EPHA5: variants seen among roughly 807,000 people sequenced by gnomAD.
The protein encoded by EPHA5 is ephrin type-A receptor 5.
A neutral mutation model predicts 105.0 loss-of-function variants in EPHA5; 60 were observed. The ratio of observed to expected loss-of-function variants is 0.57; its 90% confidence interval spans 0.46 to 0.71. The LOEUF is 0.71. Among genes scored for constraint, EPHA5 ranks in the 30% least tolerant of loss-of-function variants. EPHA5 has a pLI of 0.00. For synonymous variants in EPHA5, 513 were observed against 449.1 expected, an observed-to-expected ratio of 1.14 and a Z score of -1.80; for missense variants, 1,218 against 1,274.7, an observed-to-expected ratio of 0.96 and a Z score of 0.68.
chr4:65,581,535 A>G (rs1350777340), intron 3 of EPHA5, among the ~76,000 whole-genome samples: 3 of 151,734 alleles, frequency 2.0e-5, no homozygotes, highest in Non-Finnish European at 4.4e-5. Flanking sequence ...CTTATTTATC[A>G]GTCTGGGTTC....
chr4:65,338,345 A>C (rs1178472016), intron 14 of EPHA5, among the ~76,000 whole-genome samples: 1 of 152,098 alleles, frequency 6.6e-6, no homozygotes, highest in African/African-American at 2.4e-5. Flanking sequence ...AAATGGCTTA[A>C]GTCATGTAAT....
intron 3 of EPHA5, among the ~76,000 whole-genome samples, chr4:65,549,299 C>T (rs561635405): frequency 5.9e-5 from 9 of 151,978 alleles, no homozygotes; most frequent in African/African-American, 1.7e-4. Flanking sequence ...AACAAATCTG[C>T]GAAAATTTAT....
intron 3 of EPHA5, among the ~76,000 whole-genome samples, chr4:65,532,389 A>G (rs977804381): frequency 6.6e-6 from 1 of 151,944 alleles, no homozygotes; most frequent in Non-Finnish European, 1.5e-5. Context: ...GTAATATTAT[A>G]ATCTCTAGTT....
At chr4:65,402,960 GA>G (rs1405450563) in intron 8 of EPHA5, among the ~76,000 whole-genome samples, 1 of 152,148 alleles carries the variant, frequency 6.6e-6, no homozygotes, top group Non-Finnish European at 1.5e-5. Flanking sequence ...TGGGGCACTA[GA>G]TAGCTATCCC....
intron 3 of EPHA5, among the ~76,000 whole-genome samples, chr4:65,553,162 T>C (rs1039887657): frequency 6.6e-6 from 1 of 152,088 alleles, no homozygotes; most frequent in Non-Finnish European, 1.5e-5. Flanking sequence ...AGGAATAAGT[T>C]GGGTTTTTGA....
intron 5 of EPHA5, among the ~76,000 whole-genome samples, chr4:65,479,255 T>C (rs1356120364): frequency 6.6e-6 from 1 of 152,170 alleles, no homozygotes; most frequent in East Asian, 1.9e-4. Flanking sequence ...CCACTTTACA[T>C]GTGAAAAACC....
rs376412603 is a variant in EPHA5 at position 65,404,474 on chromosome 4, C to A, written c.1693G>T (p.Ala565Ser). ...ATCTGGCTTTGATCGCTGGATGCTG[C>A]AACTGCTGATAGGAGATACAGAAAA... ...FEFETTPVSV[A>S]ASSDQSQIPV... Residue 565 changes from alanine (A) to serine (S), a missense_variant, in exon 8 of 17, where the codon GCA (alanine) becomes TCA (serine). Physicochemically the swap from Ala to Ser is moderately conservative, Grantham distance 99. Coordinates refer to ENST00000613740, the MANE Select transcript of EPHA5 (RefSeq NM_001281766.3). 6.2e-7 allele frequency: 1 copy of A among 1,613,448 alleles called. No individual in the cohort carries two copies. The highest frequency in any genetic ancestry group is 8.5e-7 in the Non-Finnish European group (1 of 1,179,560).
At chr4:65,388,275 C>T (rs1253607773) in intron 8 of EPHA5, among the ~76,000 whole-genome samples, 1 of 151,536 alleles carries the variant, frequency 6.6e-6, no homozygotes, top group Non-Finnish European at 1.5e-5. Flanking sequence ...CCACAATAAA[C>T]ATACGTGTGC....
intron 6 of EPHA5, among the ~76,000 whole-genome samples, chr4:65,419,033 G>A (rs992180341): frequency 2.6e-5 from 4 of 151,118 alleles, no homozygotes; most frequent in East Asian, 1.9e-4. Context: ...ACAGGTGCCC[G>A]CTACCACACC....
chr4:65,367,059 T>G (rs1717977878), intron 9 of EPHA5, among the ~76,000 whole-genome samples: 1 of 151,796 alleles, frequency 6.6e-6, no homozygotes, highest in African/African-American at 2.4e-5. Context: ...AATTAGAATA[T>G]TCCAGGAAAT....
chr4:65,384,875 A>G (rs1030889969), intron 8 of EPHA5, among the ~76,000 whole-genome samples: 15 of 151,700 alleles, frequency 9.9e-5, no homozygotes, highest in African/African-American at 3.4e-4. Flanking sequence ...GCCTACACTG[A>G]GCAAACATCA....
chr4:65,351,239 A>ACTT (rs1316537184), intron 13 of EPHA5, 150 bp downstream of exon 13: 6 of 625,082 alleles, frequency 9.6e-6, no homozygotes, highest in Middle Eastern at 3.4e-4. Context: ...GAATTTTTTG[A>ACTT]CTTTTGATTT....
chr4:65,541,039 G>C (rs1480293015), intron 3 of EPHA5, among the ~76,000 whole-genome samples: 1 of 151,102 alleles, frequency 6.6e-6, no homozygotes, highest in Admixed American at 6.6e-5. Flanking sequence ...CTCTCTGTCT[G>C]CACCTCCCTC....
At chr4:65,425,225 A>C (rs1398989718) in intron 5 of EPHA5, among the ~76,000 whole-genome samples, 1 of 152,128 alleles carries the variant, frequency 6.6e-6, no homozygotes, top group Non-Finnish European at 1.5e-5. Context: ...CCTACACGTC[A>C]GTCATGTGTT....
chr4:65,365,633 G>A (rs1285423379), intron 10 of EPHA5, among the ~76,000 whole-genome samples: 2 of 109,798 alleles, frequency 1.8e-5, no homozygotes, highest in East Asian at 6.3e-4. Flanking sequence ...AAATACTTTT[G>A]GGTATTACAA....
chr4:65,521,657 T>A (rs1176548396), intron 3 of EPHA5, among the ~76,000 whole-genome samples: 1 of 152,096 alleles, frequency 6.6e-6, no homozygotes, highest in Non-Finnish European at 1.5e-5. Flanking sequence ...AGAATTGAAG[T>A]ATGCTGAGCT....
At chr4:65,491,351 T>C (rs1481108681) in intron 4 of EPHA5, among the ~76,000 whole-genome samples, 1 of 152,144 alleles carries the variant, frequency 6.6e-6, no homozygotes, top group African/African-American at 2.4e-5. Context: ...ATTGTTTTTA[T>C]ATTACAGTTC....
At chr4:65,552,518 G>C (rs1470122169) in intron 3 of EPHA5, among the ~76,000 whole-genome samples, 1 of 152,136 alleles carries the variant, frequency 6.6e-6, no homozygotes, top group East Asian at 1.9e-4. Context: ...TAGGATTCAA[G>C]GAGAGGCCTG....
chr4:65,494,799 A>G (rs1250620830), intron 4 of EPHA5, among the ~76,000 whole-genome samples: 1 of 152,162 alleles, frequency 6.6e-6, no homozygotes, highest in African/African-American at 2.4e-5. Context: ...TCTGATTTAA[A>G]TCTTGTTTGC....
Sources: gnomAD v4.1 joint callset for allele counts (sites outside exome capture counted in the v4.1 genomes callset) on GRCh38, gnomAD v4.1.1 for gene constraint, MANE v1.5 for transcripts, NCBI Gene and HGNC (gene_info 2026-07-23, HGNC 2026-07-21) for gene names.